PDXK: variants seen among roughly 807,000 people sequenced by gnomAD.
PDXK encodes the protein epididymis secretory sperm binding protein Li 1a.
PDXK carries 15 observed loss-of-function variants against 43.2 expected under a neutral mutation model. The observed-to-expected ratio is 0.35, with a 90% CI of 0.23 to 0.53. The LOEUF is 0.53. PDXK is among the 20% of genes least tolerant of loss of function. PDXK has a pLI of 0.92. For missense variants in PDXK, 343 were observed against 417.0 expected (o/e 0.82, Z 1.54); for synonymous variants, 172 against 165.4 (o/e 1.04, Z -0.31).
intron 1 of PDXK, among the ~76,000 whole-genome samples, chr21:43,725,279 C>T (rs894795980): frequency 1.5e-4 from 22 of 151,320 alleles, no homozygotes; most frequent in African/African-American, 4.4e-4. Context: ...GCCGAGATCG[C>T]GCCACTGCAC....
At position 43,756,256 on chromosome 21, in the gene PDXK, G is replaced by A; in HGVS notation, c.*193G>A. ...TGTGAAAAATAACAAAGTGGTCACA[G>A]AAATTTGTGATCTGAAAACCCGGCT... is the stretch of plus-strand genomic sequence containing the variant. On this transcript the variant is annotated 3_prime_UTR_variant, in exon 11 of 11. Coordinates refer to ENST00000291565, the MANE Select transcript of PDXK (RefSeq NM_003681.5). 1 of 488,072 alleles carries A rather than the reference G, an allele frequency of 2.0e-6. No individual in the cohort carries two copies. Among genetic ancestry groups the A allele is most frequent in the South Asian group, 2.7e-5 (1 of 36,886 alleles). The allele number at this position is 488,072 out of a possible 1,614,324, so 30.2% of individuals were successfully genotyped here. A position where few individuals can be genotyped will look rare whatever the true frequency, so the allele number is the denominator to read the frequency against.
At position 43,760,625 on chromosome 21, in the gene PDXK, C is replaced by T. The variant is rs529058810; in HGVS notation, c.*4562C>T. 3.9e-5 allele frequency: 6 copies of T among 152,352 alleles called. No individual in the cohort carries two copies. The East Asian group carries it at 1.2e-3, about 29-fold the overall frequency. 9.4% of individuals were successfully genotyped at this position (152,352 alleles called of 1,614,324 possible). ...GGTAGGATGGACGTGAGCCATCCTT[C>T]TAGGGGACTTTTTTCAGTGTGCGAC... On this transcript the variant is annotated 3_prime_UTR_variant, in exon 11 of 11. Coordinates refer to ENST00000291565, the MANE Select transcript of PDXK (RefSeq NM_003681.5).
At chr21:43,725,661 AT>A (rs936243289) in intron 1 of PDXK, among the ~76,000 whole-genome samples, 2 of 152,072 alleles carry the variant, frequency 1.3e-5, no homozygotes, top group Non-Finnish European at 2.9e-5. Context: ...AATACAAAAA[AT>A]TAGCCGGGCG....
At chr21:43,730,102 C>CTGAT (rs140082408) in intron 1 of PDXK, among the ~76,000 whole-genome samples, 6,004 of 151,744 alleles carry the variant, frequency 0.04, 147 homozygotes, top group Middle Eastern at 0.058. Flanking sequence ...TTGCTCATAT[C>CTGAT]TGATTGATTG....
chr21:43,752,266 G>A (rs970547945), intron 7 of PDXK, among the ~76,000 whole-genome samples: 119 of 152,262 alleles, frequency 7.8e-4, no homozygotes, highest in Admixed American at 7.8e-3. Context: ...CCAAGGGGGA[G>A]GCCCTCGCCA....
chr21:43,750,975 T>C (rs959109494), intron 7 of PDXK, among the ~76,000 whole-genome samples: 1 of 152,080 alleles, frequency 6.6e-6, no homozygotes, highest in Non-Finnish European at 1.5e-5. Flanking sequence ...TGTGTGTGTG[T>C]GTGTGCACAT....
chr21:43,733,127 C>A (rs2083342196), intron 1 of PDXK, among the ~76,000 whole-genome samples: 1 of 152,310 alleles, frequency 6.6e-6, no homozygotes, highest in South Asian at 2.1e-4. Flanking sequence ...AGTGATAATA[C>A]CGGCTTCAAA....
chr21:43,749,931 G>A (rs552114284), intron 6 of PDXK, among the ~76,000 whole-genome samples: 1 of 152,200 alleles, frequency 6.6e-6, no homozygotes, highest in Non-Finnish European at 1.5e-5. Context: ...AGCCACCAGC[G>A]CCCCAGTGCC....
At chr21:43,736,016 T>G (rs1423942584) in intron 2 of PDXK, among the ~76,000 whole-genome samples, 1 of 152,186 alleles carries the variant, frequency 6.6e-6, no homozygotes, top group Non-Finnish European at 1.5e-5. Flanking sequence ...TCAGCCCCTC[T>G]GGGCTCCCGT....
intron 1 of PDXK, among the ~76,000 whole-genome samples, chr21:43,724,476 C>T (rs1194712397): frequency 6.6e-6 from 1 of 152,136 alleles, no homozygotes; most frequent in South Asian, 2.1e-4. Flanking sequence ...CTCCCAGAGA[C>T]GCGTGACGGG....
chr21:43,752,452 TG>T, intron 7 of PDXK, 65 bp from the exon 8 acceptor site: 2 of 1,047,832 alleles, frequency 1.9e-6, no homozygotes, highest in Non-Finnish European at 2.9e-6. Context: ...GATCGGGGAG[TG>T]GGGTGTGACC....
Position 43,738,702 on chromosome 21 carries a change from T to A in PDXK, c.143-2965T>A, listed in dbSNP as rs530594105. 42 of 152,604 alleles carry A rather than the reference T, an allele frequency of 2.8e-4. 1 individual carries two copies. The highest frequency in any genetic ancestry group is 8.9e-4 in the African/African-American group (37 of 41,578). 9.5% of individuals were successfully genotyped at this position (152,604 alleles called of 1,614,324 possible). A position where few individuals can be genotyped will look rare whatever the true frequency, so the allele number is the denominator to read the frequency against. On this transcript the variant is annotated intron_variant, in intron 2 of 10. Coordinates refer to ENST00000291565, the MANE Select transcript of PDXK (RefSeq NM_003681.5). Reference sequence around the variant, plus strand: ...CCCGCTCCCACCAGCTCCTGTCCGATAAGTTAAAGATACGCTGTTTGAGCA... The same window carrying A: ...CCCGCTCCCACCAGCTCCTGTCCGAAAAGTTAAAGATACGCTGTTTGAGCA...
rs1361922560 is a variant in PDXK, at chr21:43,759,137, C to CCACCG, written c.*3076_*3080dup. 1 of 152,320 alleles carries CCACCG rather than the reference C, an allele frequency of 6.6e-6. No homozygotes were observed. Among genetic ancestry groups the CCACCG allele is most frequent in the Non-Finnish European group, 1.5e-5 (1 of 68,042 alleles). 9.4% of individuals were successfully genotyped at this position (152,320 alleles called of 1,614,324 possible). A position where few individuals can be genotyped will look rare whatever the true frequency, so the allele number is the denominator to read the frequency against. On this transcript the variant is annotated 3_prime_UTR_variant, in exon 11 of 11. Coordinates refer to ENST00000291565, the MANE Select transcript of PDXK (RefSeq NM_003681.5). Reference sequence around the variant, plus strand: ...GCCAAAGCCCCTGGGGTAACAGTCCCCACCGCTACCCGAGGTAAAACAATA... The same window carrying CCACCG: ...GCCAAAGCCCCTGGGGTAACAGTCCCCACCGCACCGCTACCCGAGGTAAAACAATA...
intron 1 of PDXK, among the ~76,000 whole-genome samples, chr21:43,727,781 G>A (rs1456593310): frequency 6.6e-6 from 1 of 152,248 alleles, no homozygotes; most frequent in Non-Finnish European, 1.5e-5. Context: ...GTGAGGCCCT[G>A]TGGAGCAGAC....
At chr21:43,733,910 A>G (rs1388563651) in intron 1 of PDXK, among the ~76,000 whole-genome samples, 159 bp from the exon 2 acceptor site, 1 of 151,892 alleles carries the variant, frequency 6.6e-6, no homozygotes, top group Non-Finnish European at 1.5e-5. Context: ...ACTCGGGGAG[A>G]GCCTCCTGCT....
intron 1 of PDXK, chr21:43,733,833 T>C: frequency 1.5e-6 from 1 of 678,438 alleles, no homozygotes; most frequent in East Asian, 2.8e-5. Flanking sequence ...CCCGGGCTGG[T>C]TGCTCCCCAG....
Position 43,734,231 on chromosome 21 carries a change from C to T in PDXK, c.142+108C>T. ...CGGAGTGTGGGTGTGAGGGACGGGG[C>T]TTTCGTGTGGACGGGGACCTGGAGT... On this transcript the variant is annotated intron_variant, in intron 2 of 10. Transcript: ENST00000291565. The surrounding 1 kb of genome is among the most constrained non-coding windows in gnomAD (Gnocchi z 5.0). The T allele has an allele frequency of 1.9e-6, 2 of 1,029,666 alleles. No individual in the cohort carries two copies. The highest frequency in any genetic ancestry group is 3.0e-6 in the Non-Finnish European group (2 of 664,736). The allele number at this position is 1,029,666 out of a possible 1,614,324, so 63.8% of individuals were successfully genotyped here.
chr21:43,720,077 C>T (rs756448416), intron 1 of PDXK, among the ~76,000 whole-genome samples: 2 of 152,212 alleles, frequency 1.3e-5, no homozygotes, highest in Admixed American at 6.5e-5. Context: ...CTTTAGGGAG[C>T]CAGCTTTTAA....
intron 1 of PDXK, among the ~76,000 whole-genome samples, chr21:43,721,346 G>A (rs1240121155): frequency 6.6e-6 from 1 of 152,256 alleles, no homozygotes; most frequent in East Asian, 1.9e-4. Context: ...CATCACATGT[G>A]GCTTAGGACT....
Sources: allele counts gnomAD v4.1 joint callset (sites outside exome capture counted in the v4.1 genomes callset), GRCh38; gene constraint gnomAD v4.1.1; non-coding constraint Gnocchi (gnomAD v3.1); transcripts MANE v1.5; gene names NCBI Gene and HGNC (gene_info 2026-07-23, HGNC 2026-07-21).